Variants in SETBP1 observed in about 807,000 individuals in gnomAD.
The protein encoded by SETBP1 is SET-binding protein.
Under a neutral mutation model 101.0 loss-of-function variants are expected in SETBP1, and 9 were observed. The ratio of observed to expected loss-of-function variants is 0.09; its 90% CI spans 0.05 to 0.16. SETBP1 has a LOEUF of 0.16. SETBP1 is among the 10% of genes least tolerant of loss of function. The probability of loss-of-function intolerance (pLI) is 1.00; values close to 1 mark genes in which losing one functional copy is unlikely to be tolerated. For missense variants in SETBP1, 1,858 were observed against 2,033.8 expected (o/e 0.91, Z 1.66); for synonymous variants, 818 against 788.5 (o/e 1.04, Z -0.63).
At chr18:45,039,999 G>A (rs2073477439) in intron 5 of SETBP1, among the ~76,000 whole-genome samples, 1 of 152,160 alleles carries the variant, frequency 6.6e-6, no homozygotes, top group Non-Finnish European at 1.5e-5. Flanking sequence ...GGCTTTCCGG[G>A]GCCTTGCATT....
intron 4 of SETBP1, among the ~76,000 whole-genome samples, chr18:44,970,714 G>A (rs1014312476): frequency 1.3e-5 from 2 of 152,100 alleles, no homozygotes; most frequent in African/African-American, 4.8e-5. Context: ...ACCACACCCA[G>A]CTAATTTTGT....
intron 2 of SETBP1, among the ~76,000 whole-genome samples, chr18:44,838,299 G>T (rs2072538869): frequency 6.6e-6 from 1 of 151,948 alleles, no homozygotes; most frequent in African/African-American, 2.4e-5. Flanking sequence ...GTTTAGTATT[G>T]AGCTGTATTC....
chr18:44,864,357 T>G (rs959486877), intron 2 of SETBP1, among the ~76,000 whole-genome samples: 13 of 152,200 alleles, frequency 8.5e-5, no homozygotes, highest in Admixed American at 5.9e-4. Context: ...GCTGAAGGGA[T>G]TTCTACTCTC....
chr18:44,854,735 CT>C (rs1020829552), intron 2 of SETBP1, among the ~76,000 whole-genome samples: 2 of 152,190 alleles, frequency 1.3e-5, no homozygotes, highest in African/African-American at 2.4e-5. Context: ...CCAGTGGGCA[CT>C]TTTTTTCAGT....
chr18:44,844,339 G>A (rs577353563), intron 2 of SETBP1, among the ~76,000 whole-genome samples: 96 of 61,174 alleles, frequency 1.6e-3, no homozygotes, highest in African/African-American at 5.9e-3. Flanking sequence ...ACACACACAC[G>A]TGCACACACG....
At chr18:44,982,195 G>A (rs1206299831) in intron 4 of SETBP1, among the ~76,000 whole-genome samples, 2 of 152,184 alleles carry the variant, frequency 1.3e-5, no homozygotes, top group Middle Eastern at 3.2e-3. Context: ...TCCTATACAG[G>A]TGTAAAATAT....
intron 2 of SETBP1, among the ~76,000 whole-genome samples, chr18:44,828,173 A>T (rs1040428121): frequency 6.7e-6 from 1 of 149,734 alleles, no homozygotes; most frequent in East Asian, 1.9e-4. Flanking sequence ...TCACTGGTTT[A>T]AAAAAAAAAG....
chr18:44,685,710 C>T (rs1329090823), intron 1 of SETBP1, among the ~76,000 whole-genome samples: 1 of 152,170 alleles, frequency 6.6e-6, no homozygotes, highest in Non-Finnish European at 1.5e-5. Context: ...GGGAGGATTT[C>T]CATGCTGCCT....
At chr18:44,985,873 T>C (rs1309893674) in intron 4 of SETBP1, among the ~76,000 whole-genome samples, 1 of 152,230 alleles carries the variant, frequency 6.6e-6, no homozygotes, top group Admixed American at 6.5e-5. Context: ...GTAAGACTTT[T>C]TGATTTAGAA....
intron 4 of SETBP1, among the ~76,000 whole-genome samples, chr18:45,036,226 G>A (rs998283397): frequency 2.0e-5 from 3 of 151,660 alleles, no homozygotes; most frequent in South Asian, 2.1e-4. Context: ...CCAGCTACTC[G>A]GGAGGCTGAG....
At chr18:44,945,316 A>C (rs1411619118) in intron 3 of SETBP1, among the ~76,000 whole-genome samples, 3 of 152,216 alleles carry the variant, frequency 2.0e-5, no homozygotes, top group African/African-American at 4.8e-5. Flanking sequence ...GTGGGCACAC[A>C]CTTTAAATGT....
chr18:44,897,922 A>G (rs561764907), intron 3 of SETBP1, among the ~76,000 whole-genome samples: 105 of 152,288 alleles, frequency 6.9e-4, no homozygotes, highest in African/African-American at 2.4e-3. Context: ...TGGTTACTGA[A>G]GTATTGAGAC....
At chr18:44,828,411 A>T (rs1389836083) in intron 2 of SETBP1, among the ~76,000 whole-genome samples, 1 of 152,242 alleles carries the variant, frequency 6.6e-6, no homozygotes. Flanking sequence ...AATGTAGTAG[A>T]TGAAAATTCA....
chr18:44,791,741 G>A (rs907824737), intron 2 of SETBP1, among the ~76,000 whole-genome samples: 27 of 152,188 alleles, frequency 1.8e-4, no homozygotes, highest in African/African-American at 6.5e-4. Flanking sequence ...GAGAGAGAGA[G>A]CGAGAGAGAG....
intron 2 of SETBP1, among the ~76,000 whole-genome samples, chr18:44,796,452 C>T (rs2071476948): frequency 6.6e-6 from 1 of 152,204 alleles, no homozygotes. Context: ...ACCTGGGGAA[C>T]TATTAAAATA....
At chr18:44,714,477 C>T (rs2069417280) in intron 2 of SETBP1, among the ~76,000 whole-genome samples, 2 of 152,142 alleles carry the variant, frequency 1.3e-5, no homozygotes, top group African/African-American at 4.8e-5. Flanking sequence ...TCTGGGATTA[C>T]AGGCGTGAGC....
rs1311214766 is a variant in SETBP1 at position 44,950,165 on chromosome 18, T to G, written c.825T>G (p.Ser275Arg). The G allele has an allele frequency of 8.1e-6, 13 of 1,613,590 alleles. No individual in the cohort carries two copies. Among genetic ancestry groups the G allele is most frequent in the Non-Finnish European group, 1.0e-5 (12 of 1,180,002 alleles). The change falls in exon 4 of 6, where the codon AGT becomes AGG. Residue 275 changes from serine to arginine, a missense_variant. Coordinates refer to ENST00000649279, the MANE Select transcript of SETBP1 (RefSeq NM_015559.3). ...AAGGCAGTGCAGGGAACACGTGGAG[T>G]CAGTTGTCTAACAATAACAAAGATC... ...GKKGSAGNTW[S>R]QLSNNNKDLL...
intron 4 of SETBP1, among the ~76,000 whole-genome samples, chr18:44,969,391 G>T (rs79482051): frequency 1.8e-3 from 274 of 152,244 alleles, no homozygotes; most frequent in African/African-American, 6.2e-3. Context: ...CTTTAGGAAC[G>T]CAGTGCCCTG....
At chr18:44,760,365 A>C (rs765572540) in intron 2 of SETBP1, among the ~76,000 whole-genome samples, 3 of 152,156 alleles carry the variant, frequency 2.0e-5, no homozygotes, top group Non-Finnish European at 2.9e-5. Context: ...CTTAACCTAT[A>C]AATTATCAGC....
Sources: gnomAD v4.1 joint callset for allele counts (sites outside exome capture counted in the v4.1 genomes callset) on GRCh38, gnomAD v4.1.1 for gene constraint, MANE v1.5 for transcripts, NCBI Gene and HGNC (gene_info 2026-07-23, HGNC 2026-07-21) for gene names.